The following RAP1GDS1 variants were observed in gnomAD, a reference collection of about 807,000 sequenced individuals.
RAP1GDS1 encodes RAP1, GTP-GDP dissociation stimulator 1.
A neutral mutation model predicts 71.1 loss-of-function variants in RAP1GDS1; 35 were observed. The observed-to-expected ratio is 0.49, with a 90% confidence interval of 0.38 to 0.65. The LOEUF is 0.65. RAP1GDS1 is among the 30% of genes least tolerant of loss of function. The probability of loss-of-function intolerance (pLI) is 0.00; values close to 1 mark genes in which losing one functional copy is unlikely to be tolerated. For missense variants in RAP1GDS1, 663 were observed against 706.1 expected, an observed-to-expected ratio of 0.94 and a Z score of 0.69; for synonymous variants, 229 against 243.1, an observed-to-expected ratio of 0.94 and a Z score of 0.54.
intron 2 of RAP1GDS1, among the ~76,000 whole-genome samples, chr4:98,301,968 T>C (rs1728641279): frequency 6.6e-6 from 1 of 152,164 alleles, no homozygotes; most frequent in African/African-American, 2.4e-5. Flanking sequence ...GCATTTGAAC[T>C]AAAAATCCTG....
chr4:98,417,644 ATACT>A (rs1321015518), intron 9 of RAP1GDS1, 146 bp downstream of exon 9: 8 of 716,978 alleles, frequency 1.1e-5, no homozygotes, highest in Non-Finnish European at 1.7e-5. Flanking sequence ...GAAATCTGAA[ATACT>A]TAGTGACATT....
At chr4:98,316,428 G>A (rs1312948491) in intron 2 of RAP1GDS1, among the ~76,000 whole-genome samples, 2 of 152,174 alleles carry the variant, frequency 1.3e-5, no homozygotes, top group Non-Finnish European at 1.5e-5. Flanking sequence ...GTGTCATATT[G>A]TGGTGGATTG....
At position 98,401,277 on chromosome 4, in the gene RAP1GDS1, A is replaced by C. The variant is rs527701008; in HGVS notation, c.638-3200A>C. Among the ~76,000 whole-genome samples, 11 of 152,338 alleles carry C rather than the reference A, an allele frequency of 7.2e-5. No homozygotes were observed. In the East Asian group the frequency reaches 2.1e-3, roughly 29 times the overall value. On this transcript the variant is annotated intron_variant, in intron 6 of 14. Transcript: ENST00000408927. ...GGAGTTGCATTAATAACAAGCACAT[A>C]GCTAAGCAAATGAGGAAAACATTAT...
At chr4:98,270,571 C>A (rs1038242139) in intron 1 of RAP1GDS1, among the ~76,000 whole-genome samples, 1 of 152,162 alleles carries the variant, frequency 6.6e-6, no homozygotes, top group Non-Finnish European at 1.5e-5. Context: ...ATTTATATAG[C>A]TTTTGTAACT....
chr4:98,425,496 A>G (rs1048625352), intron 12 of RAP1GDS1, among the ~76,000 whole-genome samples: 1 of 152,210 alleles, frequency 6.6e-6, no homozygotes, highest in Admixed American at 6.5e-5. Flanking sequence ...AGACTTACCC[A>G]ACACATAAGG....
chr4:98,376,705 CTAT>C (rs1301603025), intron 4 of RAP1GDS1, among the ~76,000 whole-genome samples: 1 of 151,946 alleles, frequency 6.6e-6, no homozygotes, highest in Non-Finnish European at 1.5e-5. Context: ...ACCCAGATCA[CTAT>C]TATTGTAATA....
At chr4:98,398,901 A>T (rs7656017) in intron 6 of RAP1GDS1, among the ~76,000 whole-genome samples, 10,020 of 152,214 alleles carry the variant, frequency 0.066, 379 homozygotes, top group Admixed American at 0.13. Context: ...ACTACAAAAC[A>T]CTGATGAGGG....
At chr4:98,310,853 T>G (rs746918124) in intron 2 of RAP1GDS1, among the ~76,000 whole-genome samples, 2 of 152,214 alleles carry the variant, frequency 1.3e-5, no homozygotes, top group Non-Finnish European at 2.9e-5. Flanking sequence ...AACTTAATTT[T>G]ATCTGTTTCT....
At chr4:98,280,969 A>G (rs1230467333) in intron 1 of RAP1GDS1, among the ~76,000 whole-genome samples, 1 of 152,054 alleles carries the variant, frequency 6.6e-6, no homozygotes, top group Non-Finnish European at 1.5e-5. Flanking sequence ...ATTGGTCTAT[A>G]TCTCTGTTTT....
At chr4:98,349,202 C>CA (rs1736764162) in intron 3 of RAP1GDS1, among the ~76,000 whole-genome samples, 1 of 152,300 alleles carries the variant, frequency 6.6e-6, no homozygotes, top group African/African-American at 2.4e-5. Context: ...CCAGTTTTCC[C>CA]AGCACCATTT....
chr4:98,282,598 G>A (rs1553960567), intron 1 of RAP1GDS1, among the ~76,000 whole-genome samples: 4 of 148,574 alleles, frequency 2.7e-5, no homozygotes, highest in African/African-American at 1.0e-4. Context: ...TTTTTGAAGG[G>A]TTTTTTATGT....
intron 1 of RAP1GDS1, among the ~76,000 whole-genome samples, chr4:98,277,121 A>G (rs1724330615): frequency 6.6e-6 from 1 of 152,184 alleles, no homozygotes; most frequent in Admixed American, 6.5e-5. Context: ...AAGCGCACAC[A>G]TACATAACAC....
chr4:98,355,279 C>G (rs1737794155), intron 4 of RAP1GDS1, among the ~76,000 whole-genome samples: 1 of 152,086 alleles, frequency 6.6e-6, no homozygotes, highest in South Asian at 2.1e-4. Context: ...ACATGATAGC[C>G]TTGTGATCAA....
At chr4:98,363,702 C>G (rs1739086320) in intron 4 of RAP1GDS1, among the ~76,000 whole-genome samples, 1 of 151,990 alleles carries the variant, frequency 6.6e-6, no homozygotes, top group African/African-American at 2.4e-5. Context: ...GTGACATGAT[C>G]TGATTTGGAT....
intron 12 of RAP1GDS1, among the ~76,000 whole-genome samples, chr4:98,423,528 ATTTTTTGT>A (rs1360076368): frequency 6.6e-6 from 1 of 151,682 alleles, no homozygotes; most frequent in Non-Finnish European, 1.5e-5. Context: ...TGTTTTCTTT[ATTTTTTGT>A]TTTTTTGTTT....
At chr4:98,303,122 T>G (rs1229396393) in intron 2 of RAP1GDS1, among the ~76,000 whole-genome samples, 2 of 151,312 alleles carry the variant, frequency 1.3e-5, no homozygotes, top group Non-Finnish European at 2.9e-5. Flanking sequence ...AATTCAATAG[T>G]GGTGCAGTAT....
At chr4:98,414,295 C>G (rs1288457462) in intron 7 of RAP1GDS1, among the ~76,000 whole-genome samples, 1 of 142,540 alleles carries the variant, frequency 7.0e-6, no homozygotes, top group Non-Finnish European at 1.5e-5. Flanking sequence ...TTGCCCATGC[C>G]TATGTCCTGA....
At chr4:98,440,239 A>G (rs1751702619) in intron 14 of RAP1GDS1, among the ~76,000 whole-genome samples, 2 of 152,176 alleles carry the variant, frequency 1.3e-5, no homozygotes, top group South Asian at 4.1e-4. Flanking sequence ...CAATCCATGG[A>G]CATTTGGGCC....
At chr4:98,273,085 CT>C (rs1319154055) in intron 1 of RAP1GDS1, among the ~76,000 whole-genome samples, 1 of 152,160 alleles carries the variant, frequency 6.6e-6, no homozygotes, top group East Asian at 1.9e-4. Context: ...GACTTCTCAT[CT>C]TCCACTACCC....
Sources: allele counts gnomAD v4.1 joint callset (sites outside exome capture counted in the v4.1 genomes callset), GRCh38; gene constraint gnomAD v4.1.1; transcripts MANE v1.5; gene names NCBI Gene and HGNC (gene_info 2026-07-23, HGNC 2026-07-21).